Variants in KCNQ3 observed in about 807,000 individuals in gnomAD.
KCNQ3 encodes potassium voltage-gated channel subfamily KQT member 3.
Under a neutral mutation model 92.5 loss-of-function variants are expected in KCNQ3, and 30 were observed. The ratio of observed to expected loss-of-function variants is 0.32; its 90% CI spans 0.24 to 0.44. KCNQ3 has a LOEUF of 0.44. Among genes scored for constraint, KCNQ3 ranks in the 20% least tolerant of loss-of-function variants. The probability of loss-of-function intolerance (pLI) is 1.00; values close to 1 mark genes in which losing one functional copy is unlikely to be tolerated. For missense variants in KCNQ3, 913 were observed against 1,140.3 expected (o/e 0.80, Z 2.87); for synonymous variants, 450 against 468.8 (o/e 0.96, Z 0.52).
intron 1 of KCNQ3, among the ~76,000 whole-genome samples, chr8:132,347,498 T>C (rs1053573992): frequency 2.0e-5 from 3 of 152,194 alleles, no homozygotes; most frequent in Admixed American, 6.5e-5. Context: ...AAAAAGGGTA[T>C]ATATAAATAC....
chr8:132,312,190 G>A (rs1182562028), intron 1 of KCNQ3, among the ~76,000 whole-genome samples: 1 of 152,202 alleles, frequency 6.6e-6, no homozygotes, highest in East Asian at 1.9e-4. Context: ...ATACATTTCT[G>A]TTGTTTTAAG....
At chr8:132,303,140 T>A (rs1817274706) in intron 1 of KCNQ3, among the ~76,000 whole-genome samples, 1 of 152,120 alleles carries the variant, frequency 6.6e-6, no homozygotes, top group Admixed American at 6.5e-5. Context: ...ATCTTGCTGA[T>A]CTATAGAATT....
At chr8:132,134,224 T>G in intron 13 of KCNQ3, 66 bp downstream of exon 13, 2 of 1,155,998 alleles carry the variant, frequency 1.7e-6, no homozygotes, top group Non-Finnish European at 2.6e-6. Flanking sequence ...CAGCAGAGGT[T>G]TGGGGGTGGG....
At chr8:132,175,326 G>T in intron 5 of KCNQ3, 127 bp downstream of exon 5, 1 of 1,038,222 alleles carries the variant, frequency 9.6e-7, no homozygotes, top group Non-Finnish European at 1.5e-6. Flanking sequence ...AGCTGAAATT[G>T]GTCTAGAGCT....
At chr8:132,330,337 G>C (rs965189736) in intron 1 of KCNQ3, among the ~76,000 whole-genome samples, 1 of 152,212 alleles carries the variant, frequency 6.6e-6, no homozygotes, top group South Asian at 2.1e-4. Flanking sequence ...CCAGATTAAT[G>C]GTACTTCATT....
rs1312713796 is a variant in KCNQ3 at position 132,378,357 on chromosome 8, A to G, written c.386+101790T>C. On this transcript the variant is annotated intron_variant, in intron 1 of 14. Transcript: ENST00000388996. The stretch of plus-strand genomic sequence containing the variant: ...CAGTGAGCCAAGATCATGCCACTGC[A>G]CTCCAGCCTGGGTGACAGAGCAAGA... Among the ~76,000 whole-genome samples, 5 of 152,176 alleles carry G rather than the reference A, an allele frequency of 3.3e-5. No individual in the cohort carries two copies. The East Asian group carries it at 9.7e-4, about 29-fold the overall frequency.
chr8:132,455,126 A>T (rs1016743190), intron 1 of KCNQ3, among the ~76,000 whole-genome samples: 4 of 152,036 alleles, frequency 2.6e-5, no homozygotes, highest in African/African-American at 9.7e-5. Flanking sequence ...AAAATGGTAA[A>T]TTTTTTTTAA....
At chr8:132,326,060 A>G (rs1183788936) in intron 1 of KCNQ3, among the ~76,000 whole-genome samples, 1 of 152,232 alleles carries the variant, frequency 6.6e-6, no homozygotes, top group East Asian at 1.9e-4. Context: ...ATGTTGTCTC[A>G]GCATGAGGCT....
intron 1 of KCNQ3, among the ~76,000 whole-genome samples, chr8:132,386,223 T>C (rs1015112157): frequency 3.9e-5 from 6 of 152,170 alleles, no homozygotes; most frequent in African/African-American, 1.4e-4. Context: ...TAGCCTTGCA[T>C]GCTGTCAATA....
At chr8:132,145,387 T>A (rs1353423891) in intron 9 of KCNQ3, among the ~76,000 whole-genome samples, 2 of 152,222 alleles carry the variant, frequency 1.3e-5, no homozygotes, top group Admixed American at 6.5e-5. Flanking sequence ...TGCTGTATAG[T>A]GGAAAGAGTG....
intron 1 of KCNQ3, among the ~76,000 whole-genome samples, chr8:132,403,254 G>GAA (rs942332459): frequency 2.7e-5 from 4 of 150,872 alleles, no homozygotes; most frequent in African/African-American, 7.3e-5. Flanking sequence ...TGTCTCAAAA[G>GAA]AGCCATGACC....
At chr8:132,338,652 C>T (rs1016196004) in intron 1 of KCNQ3, among the ~76,000 whole-genome samples, 9 of 152,280 alleles carry the variant, frequency 5.9e-5, no homozygotes, top group Middle Eastern at 3.4e-3. Context: ...CCTCAAATGG[C>T]GCCCGCCAGT....
chr8:132,306,521 G>T (rs189698634), intron 1 of KCNQ3, among the ~76,000 whole-genome samples: 202 of 152,280 alleles, frequency 1.3e-3, no homozygotes, highest in Non-Finnish European at 2.4e-3. Flanking sequence ...ACCTCAAATG[G>T]ATCTTCCTAT....
intron 1 of KCNQ3, among the ~76,000 whole-genome samples, chr8:132,311,850 C>A (rs980706710): frequency 1.3e-5 from 2 of 152,128 alleles, no homozygotes; most frequent in African/African-American, 4.8e-5. Flanking sequence ...TATTCAGATC[C>A]TCAGAATGTG....
rs975154219 is a variant in KCNQ3, at chr8:132,254,981, A to C, written c.387-68800T>G. ...AACAGAAAGCATAATAAACTTTTTC[A>C]GATCTCTAAAAGTTAACCACAATTT... On this transcript the variant is annotated intron_variant, in intron 1 of 14. Transcript: ENST00000388996. Among the ~76,000 whole-genome samples, 3 of 152,192 alleles carry C rather than the reference A, an allele frequency of 2.0e-5. No individual in the cohort carries two copies. The East Asian group carries it at 5.8e-4, about 29-fold the overall frequency.
At chr8:132,468,072 A>T (rs1822215490) in intron 1 of KCNQ3, among the ~76,000 whole-genome samples, 1 of 152,256 alleles carries the variant, frequency 6.6e-6, no homozygotes, top group Non-Finnish European at 1.5e-5. Context: ...TGCTGGGACC[A>T]TAAATCCCAC....
chr8:132,316,922 T>A (rs1193106334), intron 1 of KCNQ3, among the ~76,000 whole-genome samples: 2 of 152,234 alleles, frequency 1.3e-5, no homozygotes, highest in Non-Finnish European at 2.9e-5. Context: ...GGTATTTTAA[T>A]GAGAAGTAGA....
At chr8:132,139,649 A>G (rs911453523) in intron 11 of KCNQ3, among the ~76,000 whole-genome samples, 1 of 152,210 alleles carries the variant, frequency 6.6e-6, no homozygotes, top group Non-Finnish European at 1.5e-5. Flanking sequence ...ACTATAATTT[A>G]TTATCTTGTT....
At chr8:132,327,028 T>C (rs933357206) in intron 1 of KCNQ3, among the ~76,000 whole-genome samples, 5 of 152,296 alleles carry the variant, frequency 3.3e-5, no homozygotes, top group African/African-American at 9.6e-5. Flanking sequence ...TTCACTGAAA[T>C]AAAAGTACCA....
Sources: allele counts gnomAD v4.1 joint callset (sites outside exome capture counted in the v4.1 genomes callset), GRCh38; gene constraint gnomAD v4.1.1; transcripts MANE v1.5; gene names NCBI Gene and HGNC (gene_info 2026-07-23, HGNC 2026-07-21).